The following NELL1 variants were observed in gnomAD, a reference collection of about 807,000 sequenced individuals.
NELL1 encodes the protein protein kinase C-binding protein NELL1.
A neutral mutation model predicts 107.4 loss-of-function variants in NELL1; 76 were observed. That is an observed-to-expected ratio of 0.71 (90% CI 0.59 to 0.86). The LOEUF (loss-of-function observed/expected upper bound fraction) is 0.86. Ranked by LOEUF, NELL1 falls within the 40% of genes least tolerant of loss-of-function variation. The pLI is 0.00. For synonymous variants in NELL1, 353 were observed against 341.2 expected, an observed-to-expected ratio of 1.03 and a Z score of -0.38; for missense variants, 1,024 against 1,005.5, an observed-to-expected ratio of 1.02 and a Z score of -0.25.
chr11:20,670,984 G>T (rs1471388762), intron 1 of NELL1: 1 of 152,354 alleles, frequency 6.6e-6, no homozygotes, highest in Non-Finnish European at 1.5e-5. Flanking sequence ...CTCTTTGGCA[G>T]TTAGCCCGCT....
chr11:21,435,156 C>T (rs1321211074), intron 15 of NELL1, among the ~76,000 whole-genome samples: 1 of 151,942 alleles, frequency 6.6e-6, no homozygotes, highest in African/African-American at 2.4e-5. Flanking sequence ...AGTTTCCATG[C>T]ACTGTATTTT....
chr11:21,248,663 C>T (rs1017427442), intron 14 of NELL1, among the ~76,000 whole-genome samples: 5 of 152,134 alleles, frequency 3.3e-5, no homozygotes, highest in South Asian at 4.1e-4. Flanking sequence ...TGCCACCCAG[C>T]GTTCTTTTAC....
intron 14 of NELL1, among the ~76,000 whole-genome samples, chr11:21,259,907 G>A (rs1199291585): frequency 4.0e-5 from 6 of 151,754 alleles, no homozygotes; most frequent in Admixed American, 2.6e-4. Flanking sequence ...GGTCATATGT[G>A]AGCAATAAAT....
At chr11:20,680,873 G>T (rs1439996039) in intron 2 of NELL1, among the ~76,000 whole-genome samples, 1 of 152,024 alleles carries the variant, frequency 6.6e-6, no homozygotes, top group Admixed American at 6.6e-5. Flanking sequence ...AAATTGGCAG[G>T]GTTTCTGTTG....
chr11:21,441,176 C>T (rs1353516295), intron 15 of NELL1, among the ~76,000 whole-genome samples: 1 of 152,134 alleles, frequency 6.6e-6, no homozygotes, highest in Non-Finnish European at 1.5e-5. Flanking sequence ...TTTGATTCTC[C>T]ATTCCAAACT....
At chr11:20,969,670 A>G (rs960024179) in intron 12 of NELL1, among the ~76,000 whole-genome samples, 3 of 149,228 alleles carry the variant, frequency 2.0e-5, no homozygotes, top group Admixed American at 6.8e-5. Context: ...AGTAAAGAAC[A>G]AAGCAAAAAA....
intron 12 of NELL1, among the ~76,000 whole-genome samples, chr11:21,019,962 T>G (rs531898781): frequency 3.9e-5 from 6 of 152,236 alleles, no homozygotes; most frequent in African/African-American, 1.4e-4. Context: ...CAATATTTGC[T>G]AATAGTTAAG....
chr11:21,490,064 AT>A (rs1184723382), intron 15 of NELL1, among the ~76,000 whole-genome samples: 4 of 152,134 alleles, frequency 2.6e-5, no homozygotes, highest in Non-Finnish European at 5.9e-5. Context: ...CCACAAAAAA[AT>A]CTCCTACATT....
chr11:21,224,972 G>T (rs1188038577), intron 13 of NELL1, among the ~76,000 whole-genome samples: 3 of 152,070 alleles, frequency 2.0e-5, no homozygotes, highest in Non-Finnish European at 4.4e-5. Flanking sequence ...ATTTGCTTTT[G>T]TGTGTTGGCT....
chr11:20,798,516 T>A (rs200637473), intron 3 of NELL1, among the ~76,000 whole-genome samples: 1 of 36,350 alleles, frequency 2.8e-5, no homozygotes, highest in Non-Finnish European at 1.3e-4. Context: ...TTAAAAAAAC[T>A]CTTCTTTGAC....
At chr11:21,567,941 T>C (rs984476377) in intron 17 of NELL1, among the ~76,000 whole-genome samples, 1 of 151,872 alleles carries the variant, frequency 6.6e-6, no homozygotes, top group African/African-American at 2.4e-5. Context: ...TAAGGCTTAA[T>C]GAGGTTTTAG....
intron 12 of NELL1, among the ~76,000 whole-genome samples, chr11:20,986,436 C>G (rs1252632413): frequency 6.6e-6 from 1 of 152,160 alleles, no homozygotes; most frequent in African/African-American, 2.4e-5. Flanking sequence ...TCTTATTGAC[C>G]TTTTCCTTGT....
At chr11:20,888,271 T>TATAGAACAG (rs1257661055) in intron 5 of NELL1, among the ~76,000 whole-genome samples, 1 of 151,994 alleles carries the variant, frequency 6.6e-6, no homozygotes, top group East Asian at 1.9e-4. Flanking sequence ...GAGGTTAAAA[T>TATAGAACAG]ATAGAACAGA....
chr11:20,986,606 A>G (rs1187609162), intron 12 of NELL1, among the ~76,000 whole-genome samples: 3 of 152,194 alleles, frequency 2.0e-5, no homozygotes, highest in African/African-American at 7.2e-5. Context: ...GGTCTCAGGT[A>G]GGGCTTGATA....
intron 13 of NELL1, among the ~76,000 whole-genome samples, chr11:21,217,694 T>C (rs1407139081): frequency 6.6e-6 from 1 of 152,188 alleles, no homozygotes; most frequent in East Asian, 1.9e-4. Context: ...TAAAATCTGC[T>C]TGTCATGTCC....
intron 14 of NELL1, among the ~76,000 whole-genome samples, chr11:21,275,683 A>G (rs1451104201): frequency 1.3e-5 from 2 of 152,244 alleles, no homozygotes; most frequent in Admixed American, 6.5e-5. Context: ...CCAGCAGCAC[A>G]TCAAGAAGCT....
intron 16 of NELL1, among the ~76,000 whole-genome samples, chr11:21,551,180 C>T (rs534998336): frequency 4.6e-5 from 7 of 151,736 alleles, no homozygotes; most frequent in African/African-American, 1.4e-4. Context: ...GTGATTTTTG[C>T]ACATTGATTT....
chr11:21,443,959 G>A (rs1361366006), intron 15 of NELL1, among the ~76,000 whole-genome samples: 2 of 151,740 alleles, frequency 1.3e-5, no homozygotes, highest in Admixed American at 1.3e-4. Context: ...TACATTATAA[G>A]AAGGAAAACA....
At chr11:21,377,019 A>G (rs530240398) in intron 15 of NELL1, among the ~76,000 whole-genome samples, 78 of 152,114 alleles carry the variant, frequency 5.1e-4, no homozygotes, top group Middle Eastern at 3.4e-3. Flanking sequence ...TTCTTTTCCT[A>G]ATAGGTTGCC....
Sources: gnomAD v4.1 joint callset for allele counts (sites outside exome capture counted in the v4.1 genomes callset) on GRCh38, gnomAD v4.1.1 for gene constraint, MANE v1.5 for transcripts, NCBI Gene and HGNC (gene_info 2026-07-23, HGNC 2026-07-21) for gene names.